Variants in FARS2 observed in about 807,000 individuals in gnomAD.
The protein encoded by FARS2 is phenylalanyl-tRNA synthetase 2, mitochondrial.
In FARS2, 40 loss-of-function variants were observed where a neutral mutation model predicts 46.4. The ratio of observed to expected loss-of-function variants is 0.86; its 90% CI spans 0.67 to 1.12. The LOEUF is 1.12. Ranked by LOEUF, FARS2 falls within the 50% of genes most tolerant of loss-of-function variation. The pLI is 0.00. For missense variants in FARS2, 513 were observed against 567.9 expected, an observed-to-expected ratio of 0.90 and a Z score of 0.98; for synonymous variants, 234 against 214.9, an observed-to-expected ratio of 1.09 and a Z score of -0.78.
chr6:5,528,504 T>G (rs1561687091), intron 4 of FARS2, among the ~76,000 whole-genome samples: 2 of 152,344 alleles, frequency 1.3e-5, no homozygotes, highest in Non-Finnish European at 2.9e-5. Flanking sequence ...TTTCTCTCTC[T>G]GCTTTCAAAG....
At chr6:5,675,029 A>T (rs374313807) in intron 6 of FARS2, among the ~76,000 whole-genome samples, 1 of 152,182 alleles carries the variant, frequency 6.6e-6, no homozygotes, top group Non-Finnish European at 1.5e-5. Context: ...CCCAATTACT[A>T]TGGGGAATTA....
intron 6 of FARS2, among the ~76,000 whole-genome samples, chr6:5,648,107 CT>C (rs1319938750): frequency 1.3e-5 from 2 of 152,236 alleles, no homozygotes; most frequent in Admixed American, 6.5e-5. Flanking sequence ...AATCAATATA[CT>C]TTTGTTTGGT....
chr6:5,292,856 G>T (rs1245922081), intron 1 of FARS2, among the ~76,000 whole-genome samples: 2 of 152,176 alleles, frequency 1.3e-5, no homozygotes, highest in African/African-American at 4.8e-5. Context: ...GAACTCTGGG[G>T]TTATTCAGTG....
chr6:5,678,512 A>G (rs1472256161), intron 6 of FARS2, among the ~76,000 whole-genome samples: 1 of 152,208 alleles, frequency 6.6e-6, no homozygotes, highest in Non-Finnish European at 1.5e-5. Context: ...ATACTTTTAT[A>G]GTCTGCATTG....
chr6:5,763,715 A>G (rs1762604827), intron 6 of FARS2, among the ~76,000 whole-genome samples: 1 of 150,104 alleles, frequency 6.7e-6, no homozygotes, highest in Admixed American at 6.6e-5. Context: ...AACCGTATAG[A>G]GTCATGAGAC....
At chr6:5,516,458 T>C (rs1768800327) in intron 4 of FARS2, among the ~76,000 whole-genome samples, 1 of 152,246 alleles carries the variant, frequency 6.6e-6, no homozygotes, top group Non-Finnish European at 1.5e-5. Flanking sequence ...GTTTGATTAA[T>C]GTGCATAGTT....
intron 1 of FARS2, among the ~76,000 whole-genome samples, chr6:5,296,285 G>T (rs1253090585): frequency 6.6e-6 from 1 of 151,732 alleles, no homozygotes; most frequent in South Asian, 2.1e-4. Context: ...GGGACTGCAG[G>T]TGCCCATCAC....
At chr6:5,571,501 T>G (rs1471181879) in intron 5 of FARS2, among the ~76,000 whole-genome samples, 1 of 152,150 alleles carries the variant, frequency 6.6e-6, no homozygotes, top group African/African-American at 2.4e-5. Flanking sequence ...GGACCTTCAT[T>G]AGGATTCTTC....
At chr6:5,741,449 G>C (rs911813673) in intron 6 of FARS2, among the ~76,000 whole-genome samples, 1 of 152,142 alleles carries the variant, frequency 6.6e-6, no homozygotes. Flanking sequence ...CTATGTACAG[G>C]ATTAGAATGC....
At chr6:5,507,423 C>T (rs17140657) in intron 4 of FARS2, among the ~76,000 whole-genome samples, 2,628 of 152,154 alleles carry the variant, frequency 0.017, 59 homozygotes, top group African/African-American at 0.06. Context: ...CCTGTTGATT[C>T]GTAATGGCTG....
At chr6:5,737,706 T>C (rs185347881) in intron 6 of FARS2, among the ~76,000 whole-genome samples, 2 of 152,302 alleles carry the variant, frequency 1.3e-5, no homozygotes, top group East Asian at 3.9e-4. Context: ...CAGAAATTTC[T>C]GGATGAGGTT....
chr6:5,472,954 AGT>A (rs1582205776), intron 4 of FARS2, among the ~76,000 whole-genome samples: 2 of 152,204 alleles, frequency 1.3e-5, no homozygotes, highest in African/African-American at 2.4e-5. Flanking sequence ...ATAAAGAAAA[AGT>A]GTGTTAATAT....
intron 6 of FARS2, among the ~76,000 whole-genome samples, chr6:5,711,196 G>A (rs1759124386): frequency 6.6e-6 from 1 of 152,130 alleles, no homozygotes; most frequent in Non-Finnish European, 1.5e-5. Context: ...ACTGGAACAC[G>A]TAAGAAGCAA....
chr6:5,350,685 A>G (rs909430396), intron 1 of FARS2, among the ~76,000 whole-genome samples: 7 of 152,172 alleles, frequency 4.6e-5, no homozygotes, highest in African/African-American at 1.7e-4. Flanking sequence ...CCCAAAATGA[A>G]TCATGTATAT....
At chr6:5,380,965 A>T (rs956606679) in intron 2 of FARS2, among the ~76,000 whole-genome samples, 4 of 144,518 alleles carry the variant, frequency 2.8e-5, no homozygotes, top group African/African-American at 1.1e-4. Context: ...GTAGTTCATT[A>T]TAGCAATTAT....
upstream of FARS2, chr6:5,260,598 T>TGCCCCGGCCCCGGGGCCCCC: frequency 9.0e-7 from 1 of 1,105,568 alleles, no homozygotes; most frequent in Non-Finnish European, 1.3e-6. Context: ...GCACCCCCGG[T>TGCCCCGGCCCCGGGGCCCCC]CCCCGGCCCC....
At chr6:5,428,642 T>G (rs1762984247) in intron 3 of FARS2, among the ~76,000 whole-genome samples, 1 of 152,248 alleles carries the variant, frequency 6.6e-6, no homozygotes, top group South Asian at 2.1e-4. Flanking sequence ...TATTTCTGTT[T>G]GTTAGCAGGA....
chr6:5,442,381 C>G lies in FARS2; in HGVS notation c.904+11209C>G, dbSNP rs576114632. Among the ~76,000 whole-genome samples the G allele has an allele frequency of 4.0e-5, 6 of 149,562 alleles. No homozygotes were observed. The Admixed American group carries it at 4.0e-4, about 10-fold the overall frequency. ...TTTTCTGTTCTTTTTTTAAGTTGCT[C>G]TTTCATAAATGGAATGTGTATATAT... On this transcript the variant is annotated intron_variant, in intron 4 of 6. Transcript: ENST00000274680.
chr6:5,687,325 G>T (rs1757316609), intron 6 of FARS2, among the ~76,000 whole-genome samples: 1 of 152,156 alleles, frequency 6.6e-6, no homozygotes, highest in Admixed American at 6.5e-5. Context: ...GGTTTTTATG[G>T]TTTTAGGTCT....
Sources: allele counts gnomAD v4.1 joint callset (sites outside exome capture counted in the v4.1 genomes callset), GRCh38; gene constraint gnomAD v4.1.1; transcripts MANE v1.5; gene names NCBI Gene and HGNC (gene_info 2026-07-23, HGNC 2026-07-21).